The following RBFOX1 variants were observed in gnomAD, a reference collection of about 807,000 sequenced individuals.
The protein encoded by RBFOX1 is RNA binding fox-1 homolog 1, also known as RNA binding protein fox-1 homolog 1.
In RBFOX1, 8 loss-of-function variants were observed where a neutral mutation model predicts 57.7. The ratio of observed to expected loss-of-function variants is 0.14; its 90% CI spans 0.08 to 0.25. The LOEUF (loss-of-function observed/expected upper bound fraction) is 0.25. RBFOX1 is among the 10% of genes least tolerant of loss of function. The pLI is 1.00. For missense variants in RBFOX1, 611 were observed against 548.5 expected (o/e 1.11, Z -1.14); for synonymous variants, 326 against 222.4 (o/e 1.47, Z -4.15).
intron 4 of RBFOX1, among the ~76,000 whole-genome samples, chr16:7,382,991 C>G (rs950536973): frequency 9.2e-5 from 14 of 151,898 alleles, no homozygotes; most frequent in African/African-American, 3.4e-4. Flanking sequence ...ATGAGCTGTT[C>G]ATTAAACTTG....
At chr16:6,251,655 A>C (rs976616988) in intron 1 of RBFOX1, among the ~76,000 whole-genome samples, 3 of 152,146 alleles carry the variant, frequency 2.0e-5, no homozygotes, top group Non-Finnish European at 4.4e-5. Flanking sequence ...ACTCTGCTCG[A>C]AGCACAGAGT....
At chr16:6,998,612 T>A (rs561885250) in intron 3 of RBFOX1, among the ~76,000 whole-genome samples, 4 of 152,312 alleles carry the variant, frequency 2.6e-5, no homozygotes, top group Admixed American at 2.6e-4. Flanking sequence ...CGATGACTTT[T>A]GTTGCTTTTT....
intron 2 of RBFOX1, among the ~76,000 whole-genome samples, chr16:5,521,865 A>T (rs11862056): frequency 0.028 from 4,288 of 152,326 alleles, 132 homozygotes; most frequent in African/African-American, 0.068. Flanking sequence ...GCTTTTGTCC[A>T]GAACTTGACG....
intron 3 of RBFOX1, among the ~76,000 whole-genome samples, chr16:5,727,813 G>A (rs542924615): frequency 2.0e-5 from 3 of 152,170 alleles, no homozygotes; most frequent in Admixed American, 1.3e-4. Context: ...TCAGCCTGCT[G>A]AGTAGCTGGG....
chr16:5,879,442 G>A (rs575099821), intron 4 of RBFOX1, among the ~76,000 whole-genome samples: 2 of 152,262 alleles, frequency 1.3e-5, no homozygotes, highest in East Asian at 1.9e-4. Flanking sequence ...CGATTCTCCT[G>A]CCTCAGGCTC....
rs540904178 is a variant in RBFOX1 at position 7,470,297 on chromosome 16, A to G, written c.28-47850A>G. Among the ~76,000 whole-genome samples the G allele has an allele frequency of 1.3e-4, 20 of 152,318 alleles. No individual in the cohort carries two copies. In the South Asian group the frequency reaches 3.7e-3, roughly 28 times the overall value. On this transcript the variant is annotated intron_variant, in intron 4 of 15. Coordinates refer to ENST00000550418, the MANE Select transcript of RBFOX1 (RefSeq NM_018723.4). ...CCTTAGTGCAGGTGCCCTGCCAGTA[A>G]GTTGTTCACCATTGTTTCCCTATGA...
At chr16:5,626,184 T>C (rs1032418546) in intron 3 of RBFOX1, among the ~76,000 whole-genome samples, 3 of 152,224 alleles carry the variant, frequency 2.0e-5, no homozygotes, top group Non-Finnish European at 2.9e-5. Flanking sequence ...CTGACCTCTT[T>C]AATATTTTGT....
chr16:6,116,646 A>G (rs1297188585), intron 1 of RBFOX1, among the ~76,000 whole-genome samples: 1 of 152,214 alleles, frequency 6.6e-6, no homozygotes, highest in Non-Finnish European at 1.5e-5. Context: ...TAAATGCTAG[A>G]GTGCCCAGGG....
At chr16:6,661,278 T>C (rs1483154927) in intron 3 of RBFOX1, among the ~76,000 whole-genome samples, 2 of 152,202 alleles carry the variant, frequency 1.3e-5, no homozygotes, top group East Asian at 1.9e-4. Context: ...AGAGCTCCCA[T>C]GTGCCTAATT....
intron 2 of RBFOX1, among the ~76,000 whole-genome samples, chr16:5,521,574 G>A (rs1258865159): frequency 6.6e-6 from 1 of 152,174 alleles, no homozygotes. Flanking sequence ...CTCTGCAGAT[G>A]AGAATTTCCC....
intron 3 of RBFOX1, among the ~76,000 whole-genome samples, chr16:5,769,225 C>G (rs962827127): frequency 6.6e-6 from 1 of 152,068 alleles, no homozygotes; most frequent in African/African-American, 2.4e-5. Context: ...ACGGTGAAGT[C>G]CTAACCCCAG....
At chr16:5,449,008 A>G (rs2068339072) in intron 1 of RBFOX1, among the ~76,000 whole-genome samples, 2 of 152,060 alleles carry the variant, frequency 1.3e-5, no homozygotes, top group Admixed American at 6.5e-5. Flanking sequence ...GCACGTGGCC[A>G]GGTCACAGAG....
intron 2 of RBFOX1, among the ~76,000 whole-genome samples, chr16:6,405,225 G>C (rs1392355107): frequency 6.6e-6 from 1 of 152,112 alleles, no homozygotes; most frequent in Non-Finnish European, 1.5e-5. Flanking sequence ...CAGATGGCTG[G>C]GATTTTATCA....
At chr16:6,709,489 G>A (rs142478157) in intron 3 of RBFOX1, among the ~76,000 whole-genome samples, 14 of 152,224 alleles carry the variant, frequency 9.2e-5, no homozygotes, top group Middle Eastern at 3.4e-3. Flanking sequence ...TAAAAAGAGG[G>A]GTTGACCTAC....
rs529726722 is a variant in RBFOX1 at position 7,385,134 on chromosome 16, G to A, written c.28-133013G>A. 2.0e-5 allele frequency among the ~76,000 whole-genome samples: 3 copies of A among 152,334 alleles called. No individual in the cohort carries two copies. The East Asian group carries it at 5.8e-4, about 29-fold the overall frequency. Reference sequence around the variant, plus strand: ...AGAGAGGTCTGAGAATTGGGCAAAGGCCAGGTCATACAGGATTTTGTTAAC... The same window carrying A: ...AGAGAGGTCTGAGAATTGGGCAAAGACCAGGTCATACAGGATTTTGTTAAC... On this transcript the variant is annotated intron_variant, in intron 4 of 15. Transcript: ENST00000550418.
At chr16:5,530,945 A>T (rs2044449693) in intron 2 of RBFOX1, among the ~76,000 whole-genome samples, 2 of 15,546 alleles carry the variant, frequency 1.3e-4, no homozygotes, top group African/African-American at 7.5e-4. Flanking sequence ...AAAAAAAAAA[A>T]AAAAAAAAAA....
chr16:5,548,164 AAAAAAAAAAAAT>A (rs1301539555), intron 2 of RBFOX1, among the ~76,000 whole-genome samples: 3 of 57,608 alleles, frequency 5.2e-5, no homozygotes, highest in Admixed American at 1.9e-4. Context: ...CTGTTAAAAA[AAAAAAAAAAAAT>A]ATATATATAT....
intron 2 of RBFOX1, among the ~76,000 whole-genome samples, chr16:6,437,109 G>A (rs372646751): frequency 6.6e-5 from 10 of 152,192 alleles, no homozygotes; most frequent in African/African-American, 1.7e-4. Context: ...ATAGGCGATC[G>A]TTTCCTCCCA....
intron 1 of RBFOX1, among the ~76,000 whole-genome samples, chr16:5,286,221 C>G (rs1040647158): frequency 1.3e-4 from 20 of 152,320 alleles, no homozygotes; most frequent in African/African-American, 4.3e-4. Flanking sequence ...TGATGATAGC[C>G]TGTCTGCGTG....
Sources: allele counts gnomAD v4.1 joint callset (sites outside exome capture counted in the v4.1 genomes callset), GRCh38; gene constraint gnomAD v4.1.1; transcripts MANE v1.5; gene names NCBI Gene and HGNC (gene_info 2026-07-23, HGNC 2026-07-21).